Variants in PDE4D observed in about 807,000 individuals in gnomAD.
The protein encoded by PDE4D is phosphodiesterase 4D.
PDE4D carries 24 observed loss-of-function variants against 87.4 expected under a neutral mutation model. The observed-to-expected ratio is 0.27, with a 90% CI of 0.20 to 0.39. PDE4D has a LOEUF of 0.39. PDE4D is among the 10% of genes least tolerant of loss of function. The probability of loss-of-function intolerance (pLI) is 1.00; values close to 1 mark genes in which losing one functional copy is unlikely to be tolerated. For missense variants in PDE4D, 714 were observed against 1,041.0 expected, an observed-to-expected ratio of 0.69 and a Z score of 4.32; for synonymous variants, 384 against 383.2, an observed-to-expected ratio of 1.00 and a Z score of -0.02.
chr5:59,609,712 C>T (rs976600284), intron 1 of PDE4D, among the ~76,000 whole-genome samples: 3 of 152,100 alleles, frequency 2.0e-5, no homozygotes, highest in Non-Finnish European at 4.4e-5. Context: ...TCCTGTAGCC[C>T]ATTCTCACTA....
At chr5:59,287,113 G>A (rs1425102403) in intron 1 of PDE4D, among the ~76,000 whole-genome samples, 1 of 152,086 alleles carries the variant, frequency 6.6e-6, no homozygotes, top group Non-Finnish European at 1.5e-5. Context: ...GGGGTTCTAG[G>A]GGTTCCTGAT....
intron 5 of PDE4D, among the ~76,000 whole-genome samples, chr5:59,062,114 G>A (rs771555490): frequency 6.6e-5 from 10 of 152,056 alleles, no homozygotes; most frequent in South Asian, 6.2e-4. Context: ...ACCTGGAATC[G>A]GCTGATCAGA....
chr5:59,333,159 C>T (rs1024290133), intron 1 of PDE4D, among the ~76,000 whole-genome samples: 9 of 152,046 alleles, frequency 5.9e-5, no homozygotes, highest in Admixed American at 4.6e-4. Flanking sequence ...AATCAAAATC[C>T]AGTTACAAAT....
chr5:59,871,006 C>T (rs947606899), intron 1 of PDE4D, among the ~76,000 whole-genome samples: 7 of 152,098 alleles, frequency 4.6e-5, no homozygotes, highest in East Asian at 1.9e-4. Context: ...ACATAGAACA[C>T]GATTGTGGTG....
chr5:59,276,228 T>TA (rs1764799920), intron 1 of PDE4D: 1 of 698,664 alleles, frequency 1.4e-6, no homozygotes, highest in Non-Finnish European at 1.8e-6. Context: ...ACCAGCACTG[T>TA]AAACCGGCCA....
chr5:59,551,471 T>TCTCA (rs1554024267), intron 1 of PDE4D, among the ~76,000 whole-genome samples: 1 of 148,810 alleles, frequency 6.7e-6, no homozygotes, highest in East Asian at 2.0e-4. Flanking sequence ...GCTACTTCAG[T>TCTCA]CACACACACA....
At chr5:59,214,032 TCA>T (rs199738839) in intron 2 of PDE4D, among the ~76,000 whole-genome samples, 44,104 of 132,228 alleles carry the variant, frequency 0.33, 7,364 homozygotes, top group Admixed American at 0.4. Context: ...CATACATACT[TCA>T]CACACACACA....
At chr5:59,680,305 G>A (rs1748793281) in intron 1 of PDE4D, among the ~76,000 whole-genome samples, 1 of 152,030 alleles carries the variant, frequency 6.6e-6, no homozygotes, top group African/African-American at 2.4e-5. Context: ...CTGAAGTTTG[G>A]TCCAAGACAA....
chr5:59,939,831 C>T (rs6890036), intron 3 of PDE4D, among the ~76,000 whole-genome samples: 63,158 of 151,862 alleles, frequency 0.42, 14,022 homozygotes, highest in East Asian at 0.77. Context: ...GGAATGGAAG[C>T]GACGGAAGAA....
At chr5:59,821,148 A>C (rs1436435721) in intron 1 of PDE4D, among the ~76,000 whole-genome samples, 1 of 151,890 alleles carries the variant, frequency 6.6e-6, no homozygotes, top group Non-Finnish European at 1.5e-5. Context: ...CAGGAGAATC[A>C]CTTGAACCCA....
chr5:59,629,494 C>G (rs150245614), intron 1 of PDE4D, among the ~76,000 whole-genome samples: 1 of 151,618 alleles, frequency 6.6e-6, no homozygotes, highest in Non-Finnish European at 1.5e-5. Context: ...AGAGAGAAGA[C>G]GAAGAGAAAA....
intron 1 of PDE4D, among the ~76,000 whole-genome samples, chr5:59,467,172 A>G (rs1801707299): frequency 6.6e-6 from 1 of 152,192 alleles, no homozygotes; most frequent in Admixed American, 6.5e-5. Context: ...AGCCTCCAGA[A>G]CTATCAGTAA....
intron 1 of PDE4D, among the ~76,000 whole-genome samples, chr5:59,641,795 T>C (rs1437437832): frequency 2.0e-5 from 3 of 152,204 alleles, no homozygotes; most frequent in Non-Finnish European, 2.9e-5. Context: ...GAAGACAATA[T>C]GATGCTCAGA....
At chr5:60,319,695 T>C (rs1016713474) in intron 1 of PDE4D, among the ~76,000 whole-genome samples, 8 of 152,220 alleles carry the variant, frequency 5.3e-5, no homozygotes, top group Admixed American at 5.2e-4. Flanking sequence ...TAGTTTTCCT[T>C]CTAACAGTTA....
At chr5:59,377,778 C>T (rs1435744132) in intron 1 of PDE4D, among the ~76,000 whole-genome samples, 2 of 152,154 alleles carry the variant, frequency 1.3e-5, no homozygotes, top group African/African-American at 2.4e-5. Flanking sequence ...GAAATACCAT[C>T]TCACACCAGT....
chr5:60,030,389 G>A (rs1201279592), intron 2 of PDE4D, among the ~76,000 whole-genome samples: 1 of 152,284 alleles, frequency 6.6e-6, no homozygotes, highest in East Asian at 1.9e-4. Flanking sequence ...AGCGGAGCTT[G>A]CAGTGAGCCG....
At chr5:59,788,716 A>T (rs1209129538) in intron 1 of PDE4D, among the ~76,000 whole-genome samples, 2 of 152,198 alleles carry the variant, frequency 1.3e-5, no homozygotes, top group African/African-American at 4.8e-5. Context: ...AATGAAATAG[A>T]TTGTGTAGAA....
intron 1 of PDE4D, among the ~76,000 whole-genome samples, chr5:60,205,794 G>T (rs961237319): frequency 2.0e-5 from 3 of 152,094 alleles, no homozygotes; most frequent in African/African-American, 7.2e-5. Context: ...GGCTGAGACA[G>T]GAGAGTTGTT....
chr5:59,970,271 C>T (rs1301340392), intron 3 of PDE4D, among the ~76,000 whole-genome samples: 1 of 152,128 alleles, frequency 6.6e-6, no homozygotes. Context: ...AAAACCTAGG[C>T]AATACCATTC....
Sources: gnomAD v4.1 joint callset for allele counts (sites outside exome capture counted in the v4.1 genomes callset) on GRCh38, gnomAD v4.1.1 for gene constraint, MANE v1.5 for transcripts, NCBI Gene and HGNC (gene_info 2026-07-23, HGNC 2026-07-21) for gene names.